Variants in LMTK3 observed in about 807,000 individuals in gnomAD.
LMTK3 encodes lemur tail kinase 3, also known as serine/threonine-protein kinase LMTK3.
In LMTK3, 27 loss-of-function variants were observed where a neutral mutation model predicts 116.7. The observed-to-expected ratio is 0.23, with a 90% CI of 0.17 to 0.32. LMTK3 has a LOEUF of 0.32. Among genes scored for constraint, LMTK3 ranks in the 10% least tolerant of loss-of-function variants. The probability of loss-of-function intolerance (pLI) is 1.00; values close to 1 mark genes in which losing one functional copy is unlikely to be tolerated. For missense variants in LMTK3, 1,764 were observed against 2,068.5 expected, an observed-to-expected ratio of 0.85 and a Z score of 2.86; for synonymous variants, 965 against 971.0, an observed-to-expected ratio of 0.99 and a Z score of 0.11.
intron 14 of LMTK3, among the ~76,000 whole-genome samples, chr19:48,487,357 A>G (rs1439419469): frequency 6.6e-6 from 1 of 151,830 alleles, no homozygotes; most frequent in Middle Eastern, 3.2e-3. Flanking sequence ...TGTATTTTTC[A>G]TACAGACGGG....
At position 48,511,472 on chromosome 19, in the gene LMTK3, C is replaced by A. The variant is rs748612880; in HGVS notation, c.76+29G>T. The A allele has an allele frequency of 4.2e-5, 50 of 1,184,476 alleles. No homozygotes were observed. The East Asian group carries it at 1.4e-3, about 34-fold the overall frequency. 73.4% of individuals were successfully genotyped at this position (1,184,476 alleles called of 1,614,324 possible). A position where few individuals can be genotyped will look rare whatever the true frequency, so the allele number is the denominator to read the frequency against. ...AGGCCGCCGCGGGGGTGGGGGCCAC[C>A]GGACAGACTGATGGCCCGACAGACT... On this transcript the variant is annotated intron_variant, in intron 1 of 14. Transcript: ENST00000600059.
chr19:48,495,230 G>C (rs376064247), intron 11 of LMTK3, among the ~76,000 whole-genome samples: 8 of 152,042 alleles, frequency 5.3e-5, no homozygotes, highest in African/African-American at 1.9e-4. Context: ...GGCTGGTCTC[G>C]AACTCCTGAC....
At chr19:48,506,406 A>G (rs1313115751) in intron 5 of LMTK3, among the ~76,000 whole-genome samples, 1 of 152,114 alleles carries the variant, frequency 6.6e-6, no homozygotes, top group Non-Finnish European at 1.5e-5. Flanking sequence ...AGGTGGAGAG[A>G]AGGACTGGCT....
chr19:48,502,531 G>T lies in LMTK3; in HGVS notation c.696C>A (p.Ser232=). The stretch of plus-strand genomic sequence containing the variant: ...GCAGGTCTCGAGGGGGTAGCTCAGG[G>T]GACAGGCCCTCGGGGGGCCGCTGGG... ...LRAQRPPEGL[S]PELPPRDLRT... is the part of the protein sequence containing the mutation. The change falls in exon 7 of 15, where the codon TCC becomes TCA. Residue 232 remains serine (S), a synonymous_variant. Transcript: ENST00000600059. The T allele has an allele frequency of 6.3e-7, 1 of 1,598,312 alleles. No individual in the cohort carries two copies.
rs1231050855 is a variant in LMTK3, at chr19:48,498,948, G to A, written c.2121C>T (p.Asp707=). 6 of 1,294,136 alleles carry A rather than the reference G, an allele frequency of 4.6e-6. No individual in the cohort carries two copies. Among genetic ancestry groups the A allele is most frequent in the Non-Finnish European group, 5.9e-6 (6 of 1,023,582 alleles). The allele number at this position is 1,294,136 out of a possible 1,614,324, so 80.2% of individuals were successfully genotyped here. The change falls in exon 11 of 15, where the codon GAC becomes GAT. Residue 707 remains aspartate (D), a synonymous_variant. Transcript: ENST00000600059. ...AGCCCCGCTCTGCCCGCAGCGAGGA[G>A]TCGTCCTCGGGGGGGTGGGGGCAGC... ...ALGCPHPPED[D]SSLRAERGSL...
intron 2 of LMTK3, 43 bp downstream of exon 2, chr19:48,510,416 C>T (rs1435728976): frequency 5.1e-6 from 8 of 1,571,004 alleles, no homozygotes; most frequent in Non-Finnish European, 6.9e-6. Flanking sequence ...AAAGGCCTTG[C>T]TGGAGTCTTC....
At chr19:48,507,223 G>A (rs559336192) in intron 5 of LMTK3, among the ~76,000 whole-genome samples, 3 of 152,224 alleles carry the variant, frequency 2.0e-5, no homozygotes, top group Non-Finnish European at 4.4e-5. Context: ...CGGCCGCTCT[G>A]CTCTCAAATC....
chr19:48,488,545 C>A (rs1235950961), intron 14 of LMTK3, among the ~76,000 whole-genome samples: 1 of 152,088 alleles, frequency 6.6e-6, no homozygotes, highest in Non-Finnish European at 1.5e-5. Context: ...GCACCCCCTG[C>A]CATCTCTCCT....
chr19:48,498,257 C>G lies in LMTK3; in HGVS notation c.2812G>C (p.Gly938Arg). 1.2e-6 allele frequency: 2 copies of G among 1,613,514 alleles called. No homozygotes were observed. Among genetic ancestry groups the G allele is most frequent in the Non-Finnish European group, 1.7e-6 (2 of 1,179,774 alleles). The change falls in exon 11 of 15, where the codon GGC (glycine) becomes CGC (arginine). Residue 938 changes from glycine (G) to arginine (R), a missense_variant. Coordinates refer to ENST00000600059, the MANE Select transcript of LMTK3 (RefSeq NM_001388485.1). ...TTCTCCGCCGCCTTCTCCTCGATGC[C>G]TGGGGCTCTCTGGTCCCCGTTCTCC... ...VLENGDQRAP[G>R]IEEKAAENGA...
Position 48,485,602 on chromosome 19 carries a change from G to A in LMTK3, c.*171C>T. On this transcript the variant is annotated 3_prime_UTR_variant, in exon 15 of 15. Transcript: ENST00000600059. ...CCATCTGGGGGGCTGGGGGGCGGGG[G>A]CCCGGGGCCTCCCGTTTGGCACATG... The A allele has an allele frequency of 1.5e-6, 1 of 654,982 alleles. No homozygotes were observed. Among genetic ancestry groups the A allele is most frequent in the Non-Finnish European group, 2.5e-6 (1 of 395,192 alleles). The allele number at this position is 654,982 out of a possible 1,614,324, so 40.6% of individuals were successfully genotyped here. A position where few individuals can be genotyped will look rare whatever the true frequency, so the allele number is the denominator to read the frequency against.
chr19:48,506,154 GATAA>G (rs1230874294), intron 5 of LMTK3, among the ~76,000 whole-genome samples: 4 of 142,226 alleles, frequency 2.8e-5, no homozygotes, highest in African/African-American at 1.1e-4. Context: ...AAAAAAAAAA[GATAA>G]ATAAATAAAA....
rs746332119 is a variant in LMTK3, at chr19:48,498,784, G to C, written c.2285C>G (p.Ala762Gly). ...APPPPPPPPR[A>G]PADPAASPDP... ...GGGGGACGCGGCCGGGTCCGCGGGG[G>C]CCCGAGGAGGTGGCGGCGGGGGGGG... The change falls in exon 11 of 15, where the codon GCC becomes GGC. Residue 762 changes from alanine to glycine, a missense_variant. Transcript: ENST00000600059. 4.8e-5 allele frequency: 43 copies of C among 897,004 alleles called. No individual in the cohort carries two copies. The South Asian group carries it at 8.9e-4, about 18-fold the overall frequency. 55.6% of individuals were successfully genotyped at this position (897,004 alleles called of 1,614,324 possible).
intron 5 of LMTK3, among the ~76,000 whole-genome samples, chr19:48,507,236 C>G (rs903850904): frequency 6.6e-6 from 1 of 152,230 alleles, no homozygotes; most frequent in African/African-American, 2.4e-5. Context: ...CTCAAATCCT[C>G]CCAGCAACGT....
Position 48,498,203 on chromosome 19 carries a change from C to G in LMTK3, c.2866G>C (p.Glu956Gln). ...NGALGSPERE[E>Q]KVLENGELTP... is the part of the protein sequence containing the mutation. ...AGCTCCCCATTCTCCAGCACTTTCT[C>G]TTCTCTCTCGGGGGACCCCAGGGCC... The change falls in exon 11 of 15, where the codon GAG becomes CAG. Residue 956 changes from glutamate (E) to glutamine (Q), a missense_variant. This residue lies in a region of LMTK3 where 1,028 missense variants were observed against 1,050.6 expected (regional missense o/e 0.98). Transcript: ENST00000600059. The G allele has an allele frequency of 3.1e-6, 5 of 1,613,494 alleles. No individual in the cohort carries two copies. The highest frequency in any genetic ancestry group is 4.2e-6 in the Non-Finnish European group (5 of 1,179,732).
At chr19:48,512,370 C>A (rs980376327), upstream of LMTK3, among the ~76,000 whole-genome samples, 2 of 152,096 alleles carry the variant, frequency 1.3e-5, no homozygotes, top group African/African-American at 4.8e-5. Context: ...CACACATGCC[C>A]CGGACAAAGT....
intron 5 of LMTK3, among the ~76,000 whole-genome samples, chr19:48,504,313 G>A (rs1312478322): frequency 1.3e-5 from 2 of 152,118 alleles, no homozygotes; most frequent in Admixed American, 6.6e-5. Context: ...TTACCCTCAC[G>A]CTGTGGGAAA....
At chr19:48,501,866 A>T (rs1378096276) in intron 7 of LMTK3, among the ~76,000 whole-genome samples, 2 of 49,550 alleles carry the variant, frequency 4.0e-5, no homozygotes, top group Non-Finnish European at 8.1e-5. Context: ...TCTCCCAGCC[A>T]CCTCTCCTCA....
Position 48,502,514 on chromosome 19 carries a change from C to T in LMTK3, c.713G>A (p.Arg238Gln). 1 of 1,608,008 alleles carries T rather than the reference C, an allele frequency of 6.2e-7. No individual in the cohort carries two copies. Among genetic ancestry groups the T allele is most frequent in the Non-Finnish European group, 8.5e-7 (1 of 1,177,706 alleles). ...CATCCTCTGCAGCGTCCGCAGGTCT[C>T]GAGGGGGTAGCTCAGGGGACAGGCC... ...PEGLSPELPP[R>Q]DLRTLQRMGL... The change falls in exon 7 of 15, where the codon CGA becomes CAA. Residue 238 changes from arginine to glutamine, a missense_variant. Around this residue, in one of 7 missense-constraint regions of LMTK3, gnomAD observed 271 missense variants for 478.2 expected, o/e 0.57. Coordinates refer to ENST00000600059, the MANE Select transcript of LMTK3 (RefSeq NM_001388485.1).
chr19:48,486,662 C>T (rs1475182975), intron 14 of LMTK3, among the ~76,000 whole-genome samples: 3 of 151,454 alleles, frequency 2.0e-5, no homozygotes, highest in Non-Finnish European at 2.9e-5. Flanking sequence ...CTCAGCTTCC[C>T]GAGTAGCTGG....
Sources: allele counts gnomAD v4.1 joint callset (sites outside exome capture counted in the v4.1 genomes callset), GRCh38; gene constraint gnomAD v4.1.1; regional missense constraint gnomAD v4.1.1; transcripts MANE v1.5; gene names NCBI Gene and HGNC (gene_info 2026-07-23, HGNC 2026-07-21).